SYNE2: variants seen among roughly 807,000 people sequenced by gnomAD.
The protein encoded by SYNE2 is nesprin-2.
SYNE2 carries 431 observed loss-of-function variants against 856.3 expected under a neutral mutation model. That is an observed-to-expected ratio of 0.50 (90% CI 0.47 to 0.55). The LOEUF (loss-of-function observed/expected upper bound fraction) is 0.55, where lower values mean the gene tolerates loss of function less well. Among genes scored for constraint, SYNE2 ranks in the 20% least tolerant of loss-of-function variants. The pLI is 0.00. For missense variants in SYNE2, 8,129 were observed against 8,023.2 expected, an observed-to-expected ratio of 1.01 and a Z score of -0.50; for synonymous variants, 2,923 against 2,872.3, an observed-to-expected ratio of 1.02 and a Z score of -0.56.
At chr14:64,095,490 G>T (rs1190414715) in intron 61 of SYNE2, among the ~76,000 whole-genome samples, 6 of 152,138 alleles carry the variant, frequency 3.9e-5, no homozygotes, top group Middle Eastern at 3.2e-3. Context: ...TCTTCCAAAT[G>T]TTGACACATT....
chr14:63,858,115 A>ATTAT (rs572263543), intron 1 of SYNE2, among the ~76,000 whole-genome samples: 2,533 of 151,396 alleles, frequency 0.017, 32 homozygotes, highest in Middle Eastern at 0.034. Context: ...TTTTTATTTT[A>ATTAT]TTATTTATTT....
chr14:64,113,679 C>T, intron 66 of SYNE2, 108 bp downstream of exon 66: 1 of 1,203,174 alleles, frequency 8.3e-7, no homozygotes, highest in Non-Finnish European at 1.2e-6. Context: ...TTACTCTGAC[C>T]CTTACATTTA....
intron 45 of SYNE2, among the ~76,000 whole-genome samples, chr14:64,047,448 A>G (rs1164610279): frequency 6.6e-6 from 1 of 152,206 alleles, no homozygotes; most frequent in East Asian, 1.9e-4. Context: ...ACAGGAGGAC[A>G]AGTTCTCAGT....
At chr14:64,109,585 T>C (rs1356822392) in intron 65 of SYNE2, among the ~76,000 whole-genome samples, 1 of 152,202 alleles carries the variant, frequency 6.6e-6, no homozygotes, top group Non-Finnish European at 1.5e-5. Flanking sequence ...TTTATGTATG[T>C]GTGTATTTGT....
At chr14:63,847,164 G>T (rs929804807) in intron 1 of SYNE2, among the ~76,000 whole-genome samples, 5 of 151,116 alleles carry the variant, frequency 3.3e-5, no homozygotes, top group Admixed American at 1.3e-4. Context: ...ACTAAAATGA[G>T]CCTGATGATG....
chr14:64,207,444 C>T (rs1203105003), intron 100 of SYNE2, among the ~76,000 whole-genome samples: 1 of 151,824 alleles, frequency 6.6e-6, no homozygotes, highest in Admixed American at 6.6e-5. Flanking sequence ...AGTATGGTGG[C>T]CAGCTGCTTG....
At chr14:63,824,158 A>T (rs1310487283) in intron 1 of SYNE2, among the ~76,000 whole-genome samples, 1 of 151,958 alleles carries the variant, frequency 6.6e-6, no homozygotes, top group East Asian at 1.9e-4. Context: ...GGGCAACATA[A>T]TCAAACCCCA....
At chr14:64,123,304 C>T (rs2097912546) in intron 70 of SYNE2, among the ~76,000 whole-genome samples, 1 of 152,198 alleles carries the variant, frequency 6.6e-6, no homozygotes, top group Non-Finnish European at 1.5e-5. Flanking sequence ...CTGTCTCTCT[C>T]CAGACAGGGA....
rs775519567 is a variant in SYNE2, at chr14:64,186,626, A to G, written c.17712+47A>G. 10 of 1,612,736 alleles carry G rather than the reference A, an allele frequency of 6.2e-6. No homozygotes were observed. The East Asian group carries it at 2.2e-4, about 36-fold the overall frequency. ...CACGGCTGTTTGGGAGTGGATTGAAATGTCTCTGAAGGCCAGACAAAGTAG... is the reference window on the plus strand; with the variant it reads ...CACGGCTGTTTGGGAGTGGATTGAAGTGTCTCTGAAGGCCAGACAAAGTAG... On this transcript the variant is annotated intron_variant, in intron 97 of 115. Coordinates refer to ENST00000555002, the MANE Select transcript of SYNE2 (RefSeq NM_182914.3).
chr14:63,806,329 G>C (rs1457773173), intron 1 of SYNE2, among the ~76,000 whole-genome samples: 6 of 152,222 alleles, frequency 3.9e-5, no homozygotes, highest in East Asian at 1.9e-4. Flanking sequence ...AGGAATAAAG[G>C]CTACTTGATT....
At chr14:64,061,915 C>A (rs989643497) in intron 49 of SYNE2, among the ~76,000 whole-genome samples, 1 of 152,198 alleles carries the variant, frequency 6.6e-6, no homozygotes, top group Non-Finnish European at 1.5e-5. Flanking sequence ...GGTCCTACAA[C>A]TTTGCCTATT....
At chr14:64,132,973 G>T (rs1273251032) in intron 77 of SYNE2, among the ~76,000 whole-genome samples, 1 of 152,014 alleles carries the variant, frequency 6.6e-6, no homozygotes, top group African/African-American at 2.4e-5. Flanking sequence ...GAGGCGGAGG[G>T]GGGCAGATCA....
chr14:63,985,056 C>T (rs990250383), intron 18 of SYNE2, among the ~76,000 whole-genome samples: 6 of 152,078 alleles, frequency 3.9e-5, no homozygotes, highest in African/African-American at 4.8e-5. Flanking sequence ...ATGTATCTTT[C>T]GGCTGGGAGC....
chr14:63,866,842 C>A (rs192444257), intron 1 of SYNE2, among the ~76,000 whole-genome samples: 22 of 152,222 alleles, frequency 1.4e-4, no homozygotes, highest in Non-Finnish European at 2.6e-4. Context: ...TGTGGTGGCA[C>A]ACAACTGTAG....
chr14:64,155,641 T>C (rs961650612), intron 85 of SYNE2, among the ~76,000 whole-genome samples: 2 of 150,652 alleles, frequency 1.3e-5, no homozygotes, highest in East Asian at 3.9e-4. Context: ...CAAGAGTCAA[T>C]GTAGGCCTGG....
At chr14:64,180,436 A>G (rs948800164) in intron 96 of SYNE2, among the ~76,000 whole-genome samples, 1 of 151,910 alleles carries the variant, frequency 6.6e-6, no homozygotes, top group African/African-American at 2.4e-5. Context: ...ATTCCTGCTC[A>G]TGCTCATGAC....
intron 97 of SYNE2, 86 bp downstream of exon 97, chr14:64,186,665 T>C: frequency 6.3e-7 from 1 of 1,585,356 alleles, no homozygotes; most frequent in Non-Finnish European, 8.6e-7. Flanking sequence ...GGAGCTTAAT[T>C]TCATTGAACC....
At chr14:63,783,822 AAG>A (rs1887416165) in intron 1 of SYNE2, among the ~76,000 whole-genome samples, 1 of 152,166 alleles carries the variant, frequency 6.6e-6, no homozygotes, top group Non-Finnish European at 1.5e-5. Context: ...ACAAGGAAAA[AAG>A]AAATAGCTGT....
At chr14:64,079,425 G>A (rs2097500498) in intron 55 of SYNE2, among the ~76,000 whole-genome samples, 2 of 152,058 alleles carry the variant, frequency 1.3e-5, no homozygotes, top group African/African-American at 2.4e-5. Flanking sequence ...TAATAATTTG[G>A]GGCTTTTAAA....
Sources: allele counts gnomAD v4.1 joint callset (sites outside exome capture counted in the v4.1 genomes callset), GRCh38; gene constraint gnomAD v4.1.1; transcripts MANE v1.5; gene names NCBI Gene and HGNC (gene_info 2026-07-23, HGNC 2026-07-21).